The following KCMF1 variants were observed in gnomAD, a reference collection of about 807,000 sequenced individuals.
The protein encoded by KCMF1 is E3 ubiquitin-protein ligase KCMF1.
A neutral mutation model predicts 41.1 loss-of-function variants in KCMF1; 3 were observed. The ratio of observed to expected loss-of-function variants is 0.07; its 90% CI spans 0.03 to 0.19. KCMF1 has a LOEUF of 0.19. KCMF1 is among the 10% of genes least tolerant of loss of function. The pLI, the probability that KCMF1 is intolerant of heterozygous loss-of-function variation, is 1.00. For synonymous variants in KCMF1, 142 were observed against 164.5 expected (o/e 0.86, Z 1.04); for missense variants, 286 against 488.9 (o/e 0.58, Z 3.91).
In KCMF1 at chr2:85,046,163, A is replaced by G. The variant is rs780193403; in HGVS notation, c.486A>G (p.Gly162=). The change falls in exon 5 of 7, where the codon GGA becomes GGG. Residue 162 remains glycine (G), a synonymous_variant. Coordinates refer to ENST00000409785, the MANE Select transcript of KCMF1 (RefSeq NM_020122.5). ...TGTTTCACCCTGGCCGGGGATTAGGAGGTCCTCGTGCTCGTAGATCAAACA... is the reference window on the plus strand; with the variant it reads ...TGTTTCACCCTGGCCGGGGATTAGGGGGTCCTCGTGCTCGTAGATCAAACA... The part of the protein sequence containing the change: ...RRMFHPGRGL[G]GPRARRSNMH... 2 of 1,613,528 alleles carry G rather than the reference A, an allele frequency of 1.2e-6. No homozygotes were observed. Among genetic ancestry groups the G allele is most frequent in the Non-Finnish European group, 1.7e-6 (2 of 1,179,716 alleles).
chr2:85,023,793 CA>C (rs1246866927), intron 1 of KCMF1, among the ~76,000 whole-genome samples: 1 of 152,120 alleles, frequency 6.6e-6, no homozygotes, highest in African/African-American at 2.4e-5. Flanking sequence ...ACAAATTTTT[CA>C]AAGTGGTTGT....
Position 85,020,481 on chromosome 2 carries a change from C to T in KCMF1, c.17-7408C>T, listed in dbSNP as rs1416268683. ...TCTCACTCTGGCACCCAGGCTGGAG[C>T]GCAGTGGCACAATCTCCGCTCACTG... is the stretch of plus-strand genomic sequence containing the variant. On this transcript the variant is annotated intron_variant, in intron 1 of 6. Coordinates refer to ENST00000409785, the MANE Select transcript of KCMF1 (RefSeq NM_020122.5). 3.3e-5 allele frequency among the ~76,000 whole-genome samples: 5 copies of T among 151,874 alleles called. No homozygotes were observed. In the East Asian group the frequency reaches 5.8e-4, roughly 18 times the overall value.
intron 3 of KCMF1, among the ~76,000 whole-genome samples, chr2:85,035,669 A>G (rs1213359381): frequency 7.9e-5 from 12 of 152,168 alleles, no homozygotes; most frequent in Admixed American, 2.0e-4. Context: ...AGTTCTTCCT[A>G]TCCTGATCTT....
In KCMF1 at chr2:85,053,455, A is replaced by G. The variant is rs933772889; in HGVS notation, c.*46A>G. The G allele has an allele frequency of 1.3e-5, 20 of 1,546,464 alleles. No individual in the cohort carries two copies. Among genetic ancestry groups the G allele is most frequent in the Non-Finnish European group, 1.6e-5 (18 of 1,144,602 alleles). On this transcript the variant is annotated 3_prime_UTR_variant, in exon 7 of 7. Transcript: ENST00000409785. Reference sequence around the variant, plus strand: ...AATGTCCTCTGTGCTGTATTTGCCAATGAAAGTGGACAACAACTATCTTGG... The same window carrying G: ...AATGTCCTCTGTGCTGTATTTGCCAGTGAAAGTGGACAACAACTATCTTGG...
At chr2:85,010,471 TA>T in intron 1 of KCMF1, among the ~76,000 whole-genome samples, 1 of 152,262 alleles carries the variant, frequency 6.6e-6, no homozygotes, top group East Asian at 1.9e-4. Context: ...CTGTCTTCAA[TA>T]AAAAAGACTG....
At chr2:85,042,544 A>G (rs1225519571) in intron 3 of KCMF1, among the ~76,000 whole-genome samples, 1 of 152,110 alleles carries the variant, frequency 6.6e-6, no homozygotes, top group Non-Finnish European at 1.5e-5. Flanking sequence ...CCTATCTTTA[A>G]CCTTCTTATT....
intron 2 of KCMF1, among the ~76,000 whole-genome samples, chr2:85,032,292 C>T (rs1675296302): frequency 6.6e-6 from 1 of 152,170 alleles, no homozygotes; most frequent in African/African-American, 2.4e-5. Context: ...CTGCCTCAGC[C>T]TCCCAAGTAG....
intron 1 of KCMF1, among the ~76,000 whole-genome samples, chr2:85,008,372 T>TATATAATATATATC (rs1558573622): frequency 1.2e-4 from 11 of 91,594 alleles, no homozygotes; most frequent in African/African-American, 4.2e-4. Flanking sequence ...TTATATATCA[T>TATATAATATATATC]ATGATATATT....
At chr2:84,978,920 G>T (rs1020677645) in intron 1 of KCMF1, among the ~76,000 whole-genome samples, 1 of 151,858 alleles carries the variant, frequency 6.6e-6, no homozygotes, top group Non-Finnish European at 1.5e-5. Flanking sequence ...GTCCATGTTG[G>T]TCAGGCTGGT....
chr2:85,041,449 G>C (rs1326568505), intron 3 of KCMF1, among the ~76,000 whole-genome samples: 2 of 152,190 alleles, frequency 1.3e-5, no homozygotes, highest in Middle Eastern at 3.4e-3. Context: ...TCCTTGTGGA[G>C]ACTTTTCTCA....
chr2:85,050,113 A>G (rs920067835), intron 6 of KCMF1, among the ~76,000 whole-genome samples: 2 of 152,138 alleles, frequency 1.3e-5, no homozygotes, highest in Admixed American at 6.6e-5. Context: ...TGCACCATGC[A>G]CTCCAGCCTG....
chr2:85,010,850 T>C (rs1011097613), intron 1 of KCMF1, among the ~76,000 whole-genome samples: 7 of 151,552 alleles, frequency 4.6e-5, no homozygotes, highest in African/African-American at 1.5e-4. Context: ...CTATTACTTT[T>C]TTTTTTTTTT....
intron 1 of KCMF1, among the ~76,000 whole-genome samples, chr2:85,005,178 A>G (rs1400511787): frequency 1.3e-5 from 2 of 152,192 alleles, no homozygotes; most frequent in Admixed American, 6.6e-5. Context: ...AAGTGCTGGC[A>G]TTACAGGCAT....
intron 1 of KCMF1, among the ~76,000 whole-genome samples, chr2:85,003,065 ATC>A (rs1674372220): frequency 6.6e-6 from 1 of 152,200 alleles, no homozygotes; most frequent in African/African-American, 2.4e-5. Flanking sequence ...TAGCAACTGC[ATC>A]TCATCTTGGG....
chr2:85,037,614 A>G (rs146411516), intron 3 of KCMF1, among the ~76,000 whole-genome samples: 11 of 152,346 alleles, frequency 7.2e-5, no homozygotes, highest in African/African-American at 2.6e-4. Flanking sequence ...AGGGAATTCA[A>G]GAGTGATTTA....
At chr2:85,011,852 G>A (rs1278287953) in intron 1 of KCMF1, among the ~76,000 whole-genome samples, 1 of 152,210 alleles carries the variant, frequency 6.6e-6, no homozygotes, top group Non-Finnish European at 1.5e-5. Flanking sequence ...TTTGTAGGAT[G>A]TTTAGTAACA....
chr2:84,995,719 G>A (rs556846852), intron 1 of KCMF1, among the ~76,000 whole-genome samples: 95 of 152,202 alleles, frequency 6.2e-4, no homozygotes, highest in Non-Finnish European at 9.0e-4. Flanking sequence ...GGGAGGCCAA[G>A]TTGGAAAGAT....
rs1553520517 is a variant in KCMF1 at position 84,971,450 on chromosome 2, G to A, written c.-2G>A. On this transcript the variant is annotated 5_prime_UTR_variant, in exon 1 of 7. Coordinates refer to ENST00000409785, the MANE Select transcript of KCMF1 (RefSeq NM_020122.5). The stretch of plus-strand genomic sequence containing the variant: ...GGCCGCGCCGCCACCGTCTGAACTA[G>A]GATGTCCCGACATGAAGGTGAGAGG... 1 of 1,286,108 alleles carries A rather than the reference G, an allele frequency of 7.8e-7. No homozygotes were observed. The highest frequency in any genetic ancestry group is 1.0e-6 in the Non-Finnish European group (1 of 994,178). 79.7% of individuals were successfully genotyped at this position (1,286,108 alleles called of 1,614,324 possible). A position where few individuals can be genotyped will look rare whatever the true frequency, so the allele number is the denominator to read the frequency against.
intron 1 of KCMF1, among the ~76,000 whole-genome samples, chr2:85,023,664 A>G (rs1032591333): frequency 2.0e-5 from 3 of 152,194 alleles, no homozygotes; most frequent in Non-Finnish European, 2.9e-5. Context: ...ACTGCCGTCA[A>G]CATTCTTCCA....
Sources: gnomAD v4.1 joint callset for allele counts (sites outside exome capture counted in the v4.1 genomes callset) on GRCh38, gnomAD v4.1.1 for gene constraint, MANE v1.5 for transcripts, NCBI Gene and HGNC (gene_info 2026-07-23, HGNC 2026-07-21) for gene names.